Variants in ALPL observed in about 807,000 individuals in gnomAD.
ALPL encodes the protein alkaline phosphatase, biomineralization associated.
A neutral mutation model predicts 51.3 loss-of-function variants in ALPL; 42 were observed. That is an observed-to-expected ratio of 0.82 (90% CI 0.64 to 1.06). The LOEUF is 1.06. Among genes scored for constraint, ALPL ranks in the 50% least tolerant of loss-of-function variants. The pLI is 0.00. For synonymous variants in ALPL, 279 were observed against 296.4 expected (o/e 0.94, Z 0.60); for missense variants, 589 against 709.4 (o/e 0.83, Z 1.93).
intron 7 of ALPL, among the ~76,000 whole-genome samples, chr1:21,569,330 C>T (rs568200461): frequency 3.3e-4 from 51 of 152,308 alleles, no homozygotes; most frequent in South Asian, 1.4e-3. Context: ...ACCTCTAAGA[C>T]GGGGAGAGAG....
chr1:21,535,100 TC>T (rs1232196769), intron 1 of ALPL, among the ~76,000 whole-genome samples: 1 of 152,246 alleles, frequency 6.6e-6, no homozygotes, highest in African/African-American at 2.4e-5. Flanking sequence ...TAAACAGTGT[TC>T]CAGCGAATGT....
rs141537450 is a variant in ALPL, at chr1:21,531,749, T to C, written c.-104-22229T>C. 4.9e-3 allele frequency among the ~76,000 whole-genome samples: 750 copies of C among 152,276 alleles called. 3 individuals are homozygous for C. The highest frequency in any genetic ancestry group is 0.015 in the African/African-American group (629 of 41,560). ...ACCCCACACCCAGCTCTGACCTTAG[T>C]TGTTCCAGGACAGTGGGTGTGTGTA... On this transcript the variant is annotated intron_variant, in intron 1 of 11. Transcript: ENST00000374840.
intron 6 of ALPL, among the ~76,000 whole-genome samples, chr1:21,566,337 G>A (rs921674848): frequency 1.3e-5 from 2 of 152,192 alleles, no homozygotes; most frequent in African/African-American, 4.8e-5. Flanking sequence ...AGGCTGGAGT[G>A]TAGTGGTGCG....
At chr1:21,523,325 G>T (rs1643902673) in intron 1 of ALPL, among the ~76,000 whole-genome samples, 1 of 152,054 alleles carries the variant, frequency 6.6e-6, no homozygotes, top group Admixed American at 6.6e-5. Flanking sequence ...AACAAAAATG[G>T]GGAATAAGCT....
At chr1:21,550,105 G>A (rs1644302000) in intron 1 of ALPL, among the ~76,000 whole-genome samples, 1 of 152,200 alleles carries the variant, frequency 6.6e-6, no homozygotes, top group Admixed American at 6.5e-5. Context: ...CCAGGTTTAG[G>A]GATGGGGGGA....
chr1:21,538,356 C>T (rs1644137454), intron 1 of ALPL, among the ~76,000 whole-genome samples: 2 of 152,200 alleles, frequency 1.3e-5, no homozygotes, highest in African/African-American at 2.4e-5. Flanking sequence ...CAAAAGCCAC[C>T]GGAGCCTTCT....
Position 21,563,140 on chromosome 1 carries a change from A to T in ALPL, c.328A>T (p.Ser110Cys). 6.2e-7 allele frequency: 1 copy of T among 1,613,766 alleles called. No individual in the cohort carries two copies. Residue 110 changes from serine (S) to cysteine (C), a missense_variant, in exon 5 of 12, where the codon AGT becomes TGT. Ser to Cys is a moderately radical substitution (Grantham distance 112). Transcript: ENST00000374840. Reference sequence around the variant, plus strand: ...CAACACCAATGCCCAGGTCCCTGACAGTGCCGGCACCGCCACCGCCTACCT... The same window carrying T: ...CAACACCAATGCCCAGGTCCCTGACTGTGCCGGCACCGCCACCGCCTACCT... ...TYNTNAQVPD[S>C]AGTATAYLCG...
intron 6 of ALPL, among the ~76,000 whole-genome samples, chr1:21,567,396 G>A (rs527780365): frequency 6.6e-6 from 1 of 152,366 alleles, no homozygotes; most frequent in African/African-American, 2.4e-5. Flanking sequence ...CACACCAGCT[G>A]GTGGGTAAAA....
intron 1 of ALPL, among the ~76,000 whole-genome samples, chr1:21,517,330 G>A (rs1437973882): frequency 6.6e-6 from 1 of 152,220 alleles, no homozygotes; most frequent in Non-Finnish European, 1.5e-5. Context: ...GAAGCTCAGA[G>A]AGATTGAGTA....
chr1:21,533,640 T>C (rs573439010), intron 1 of ALPL, among the ~76,000 whole-genome samples: 4 of 151,926 alleles, frequency 2.6e-5, no homozygotes, highest in Admixed American at 6.6e-5. Flanking sequence ...TTAGACTGGG[T>C]CTGGGCACGG....
intron 1 of ALPL, among the ~76,000 whole-genome samples, chr1:21,545,001 C>A (rs2148118304): frequency 6.6e-6 from 1 of 151,888 alleles, no homozygotes; most frequent in East Asian, 1.9e-4. Flanking sequence ...TCCCACCTTA[C>A]AAAACCCACT....
chr1:21,567,249 G>A (rs539882870), intron 6 of ALPL, among the ~76,000 whole-genome samples: 24 of 152,338 alleles, frequency 1.6e-4, no homozygotes, highest in African/African-American at 3.6e-4. Flanking sequence ...GCTGGCACCC[G>A]CGGTGACAAG....
rs1409133864 is a variant in ALPL, at chr1:21,578,119, G to A, written c.*471G>A. On this transcript the variant is annotated 3_prime_UTR_variant, in exon 12 of 12. Coordinates refer to ENST00000374840, the MANE Select transcript of ALPL (RefSeq NM_000478.6). The surrounding 1 kb of genome is among the most constrained non-coding windows in gnomAD (Gnocchi z 4.2). ...TGTCCCCAGGCCCAGCCCTCCTTCA[G>A]GGGAGTTGAGGTCTTTCTCCTCAGG... 1 of 175,462 alleles carries A rather than the reference G, an allele frequency of 5.7e-6. No homozygotes were observed. The highest frequency in any genetic ancestry group is 1.2e-5 in the Non-Finnish European group (1 of 81,196). The allele number at this position is 175,462 out of a possible 1,614,324, so 10.9% of individuals were successfully genotyped here. A position where few individuals can be genotyped will look rare whatever the true frequency, so the allele number is the denominator to read the frequency against.
At chr1:21,576,267 ATGGGTGGATGGATGGATGGG>A (rs1430411810) in intron 10 of ALPL, among the ~76,000 whole-genome samples, 2 of 37,760 alleles carry the variant, frequency 5.3e-5, no homozygotes, top group Admixed American at 6.1e-4. Flanking sequence ...GGATGGATGG[ATGGGTGGATGGATGGATGGG>A]TGGATGGATG....
At position 21,530,647 on chromosome 1, in the gene ALPL, C is replaced by G. The variant is rs1201838627; in HGVS notation, c.-105+21130C>G. Among the ~76,000 whole-genome samples the G allele has an allele frequency of 2.0e-5, 3 of 152,116 alleles. No homozygotes were observed. In the East Asian group the frequency reaches 5.8e-4, roughly 29 times the overall value. On this transcript the variant is annotated intron_variant, in intron 1 of 11. Transcript: ENST00000374840. Reference sequence around the variant, plus strand: ...ACAGTGAGGAGAAGGGGCTATATGCCTAGGTCAGAATTCTTCAGACTGGGG... The same window carrying G: ...ACAGTGAGGAGAAGGGGCTATATGCGTAGGTCAGAATTCTTCAGACTGGGG...
At chr1:21,527,467 G>C (rs992262285) in intron 1 of ALPL, among the ~76,000 whole-genome samples, 3 of 151,748 alleles carry the variant, frequency 2.0e-5, no homozygotes, top group African/African-American at 4.8e-5. Flanking sequence ...AAAATTATTT[G>C]ATTCTTTTTT....
chr1:21,533,124 A>G (rs2148093814), intron 1 of ALPL, among the ~76,000 whole-genome samples: 1 of 152,292 alleles, frequency 6.6e-6, no homozygotes, highest in East Asian at 1.9e-4. Flanking sequence ...GCCACCGTTT[A>G]CTTACCCTAA....
chr1:21,523,570 T>TCC (rs141227415), intron 1 of ALPL, among the ~76,000 whole-genome samples: 2,975 of 152,210 alleles, frequency 0.02, 38 homozygotes, highest in Non-Finnish European at 0.032. Context: ...CTCAGGGGCC[T>TCC]CCCCTATGTC....
chr1:21,575,047 G>A (rs1006959196), intron 9 of ALPL, among the ~76,000 whole-genome samples: 2 of 152,204 alleles, frequency 1.3e-5, no homozygotes, highest in African/African-American at 2.4e-5. Flanking sequence ...GGTGGGAAGC[G>A]GGGGCGGAGG....
Sources: allele counts gnomAD v4.1 joint callset (sites outside exome capture counted in the v4.1 genomes callset), GRCh38; gene constraint gnomAD v4.1.1; non-coding constraint Gnocchi (gnomAD v3.1); transcripts MANE v1.5; gene names NCBI Gene and HGNC (gene_info 2026-07-23, HGNC 2026-07-21).